The following TOMM7 variants were observed in gnomAD, a reference collection of about 807,000 sequenced individuals.
TOMM7 encodes translocase of outer mitochondrial membrane 7, also known as mitochondrial import receptor subunit TOM7 homolog.
In TOMM7, 8 loss-of-function variants were observed where a neutral mutation model predicts 9.5. The ratio of observed to expected loss-of-function variants is 0.84; its 90% confidence interval spans 0.49 to 1.51. The LOEUF is 1.51. TOMM7 is among the 40% of genes most tolerant of loss of function. The pLI is 0.00. For missense variants in TOMM7, 74 were observed against 63.7 expected, an observed-to-expected ratio of 1.16 and a Z score of -0.55; for synonymous variants, 27 against 21.4, an observed-to-expected ratio of 1.26 and a Z score of -0.72.
rs543617639 is a variant in TOMM7, at chr7:22,821,239, G to C, written c.103+1438C>G. Among the ~76,000 whole-genome samples the C allele has an allele frequency of 9.2e-4, 139 of 151,882 alleles. 1 individual carries two copies. Among genetic ancestry groups the C allele is most frequent in the African/African-American group, 3.3e-3 (138 of 41,454 alleles). On this transcript the variant is annotated intron_variant, in intron 1 of 2. Coordinates refer to ENST00000358435, the MANE Select transcript of TOMM7 (RefSeq NM_019059.5). ...ATCCTGGCTAACACGGTGAAACCCC[G>C]TTTCTAGTAAAAATACAAAATATTA...
chr7:22,817,831 C>T, intron 2 of TOMM7, 169 bp downstream of exon 2: 2 of 588,518 alleles, frequency 3.4e-6, no homozygotes, highest in Non-Finnish European at 6.1e-6. Context: ...ACAGTAAATA[C>T]AAATTAGGAG....
At chr7:22,815,852 C>CA (rs1782310540) in intron 2 of TOMM7, among the ~76,000 whole-genome samples, 1 of 151,444 alleles carries the variant, frequency 6.6e-6, no homozygotes. Context: ...TATGGAAACA[C>CA]AAAAAACAGA....
intron 2 of TOMM7, 63 bp from the exon 3 acceptor site, chr7:22,813,248 C>T: frequency 6.9e-7 from 1 of 1,457,850 alleles, no homozygotes; most frequent in Admixed American, 2.0e-5. Context: ...CTAGACATAA[C>T]CTAAGACCTA....
intron 2 of TOMM7, among the ~76,000 whole-genome samples, chr7:22,816,196 C>T (rs1157387162): frequency 6.6e-6 from 1 of 152,142 alleles, no homozygotes. Context: ...ATTCAATGCT[C>T]ATGGCTACCT....
In TOMM7 at chr7:22,813,084, G is replaced by C; in HGVS notation, c.*86C>G. ...TGTGCCATCCAACTAGTGACTGAAT[G>C]ATGTCCCATCTCTTATCCGAGCCAG... On this transcript the variant is annotated 3_prime_UTR_variant, in exon 3 of 3. Transcript: ENST00000358435. The C allele has an allele frequency of 7.1e-7, 1 of 1,402,696 alleles. No homozygotes were observed. Among genetic ancestry groups the C allele is most frequent in the Non-Finnish European group, 1.0e-6 (1 of 988,538 alleles). 86.9% of individuals were successfully genotyped at this position (1,402,696 alleles called of 1,614,324 possible). A position where few individuals can be genotyped will look rare whatever the true frequency, so the allele number is the denominator to read the frequency against.
At chr7:22,821,704 C>T (rs1330225953) in intron 1 of TOMM7, among the ~76,000 whole-genome samples, 1 of 151,408 alleles carries the variant, frequency 6.6e-6, no homozygotes, top group African/African-American at 2.4e-5. Flanking sequence ...GGGCAGAGAT[C>T]GCGCCACTAC....
At position 22,814,753 on chromosome 7, in the gene TOMM7, A is replaced by G. The variant is rs759690198; in HGVS notation, c.153-1568T>C. On this transcript the variant is annotated intron_variant, in intron 2 of 2. Transcript: ENST00000358435. ...TACAATGAGTCATCCTGGGTGAAAG[A>G]GGATACTAAGATGAATGTGGTCCTA... 5.3e-5 allele frequency among the ~76,000 whole-genome samples: 8 copies of G among 152,328 alleles called. No individual in the cohort carries two copies. In the East Asian group the frequency reaches 1.5e-3, roughly 29 times the overall value.
intron 2 of TOMM7, among the ~76,000 whole-genome samples, chr7:22,814,388 G>T (rs547517930): frequency 6.7e-6 from 1 of 148,852 alleles, no homozygotes; most frequent in Non-Finnish European, 1.5e-5. Flanking sequence ...GTGTGGTGAC[G>T]CGTGCCTGTG....
At chr7:22,819,210 G>C (rs1239830481) in intron 1 of TOMM7, among the ~76,000 whole-genome samples, 1 of 151,908 alleles carries the variant, frequency 6.6e-6, no homozygotes, top group Non-Finnish European at 1.5e-5. Context: ...AGAACTATGA[G>C]GGGTCTGCAA....
At chr7:22,814,476 G>A (rs982413966) in intron 2 of TOMM7, among the ~76,000 whole-genome samples, 3 of 150,380 alleles carry the variant, frequency 2.0e-5, no homozygotes, top group Non-Finnish European at 1.5e-5. Context: ...CCATGACTGC[G>A]CCACTGCACT....
intron 2 of TOMM7, chr7:22,817,762 T>A: frequency 2.3e-6 from 1 of 437,880 alleles, no homozygotes; most frequent in Non-Finnish European, 4.1e-6. Context: ...TATTTTAAAG[T>A]GGTAGGATAA....
chr7:22,821,687 T>C (rs745611655), intron 1 of TOMM7, among the ~76,000 whole-genome samples: 2 of 151,436 alleles, frequency 1.3e-5, no homozygotes, highest in Non-Finnish European at 2.9e-5. Flanking sequence ...GAGGCAGAGA[T>C]TGCGGTGGGC....
At chr7:22,813,228 TA>T in intron 2 of TOMM7, 43 bp from the exon 3 acceptor site, 1 of 1,589,642 alleles carries the variant, frequency 6.3e-7, no homozygotes, top group Non-Finnish European at 8.6e-7. Context: ...AATTCCGAAA[TA>T]AAAATCTTCT....
chr7:22,815,041 T>C (rs918031658), intron 2 of TOMM7, among the ~76,000 whole-genome samples: 3 of 152,172 alleles, frequency 2.0e-5, no homozygotes, highest in Non-Finnish European at 2.9e-5. Context: ...TGAGTAACCC[T>C]TTGCAGGCAC....
intron 1 of TOMM7, among the ~76,000 whole-genome samples, chr7:22,821,929 G>A (rs1236374248): frequency 6.6e-6 from 1 of 152,136 alleles, no homozygotes; most frequent in Non-Finnish European, 1.5e-5. Flanking sequence ...GAGCACAGGA[G>A]GGGAAGGTTG....
At chr7:22,821,405 CAAAAA>C (rs76073004) in intron 1 of TOMM7, among the ~76,000 whole-genome samples, 1 of 123,000 alleles carries the variant, frequency 8.1e-6, no homozygotes, top group Non-Finnish European at 1.8e-5. Flanking sequence ...GACCCCGTCT[CAAAAA>C]AAAAAAAAAA....
chr7:22,821,422 A>G (rs1583464697), intron 1 of TOMM7, among the ~76,000 whole-genome samples: 1 of 129,740 alleles, frequency 7.7e-6, no homozygotes, highest in Non-Finnish European at 1.6e-5. Context: ...AAAAAAAAAA[A>G]AGAAAAAGAA....
At chr7:22,817,469 C>A in intron 2 of TOMM7, 1 of 224,276 alleles carries the variant, frequency 4.5e-6, no homozygotes, top group South Asian at 5.3e-5. Context: ...TCTTGAACTC[C>A]TAGCTTCAAG....
At chr7:22,814,645 A>G (rs1055240201) in intron 2 of TOMM7, among the ~76,000 whole-genome samples, 2 of 152,176 alleles carry the variant, frequency 1.3e-5, no homozygotes, top group African/African-American at 4.8e-5. Context: ...ATTTTGCCTA[A>G]ATGTTTTACA....
Sources: allele counts gnomAD v4.1 joint callset (sites outside exome capture counted in the v4.1 genomes callset), GRCh38; gene constraint gnomAD v4.1.1; transcripts MANE v1.5; gene names NCBI Gene and HGNC (gene_info 2026-07-23, HGNC 2026-07-21).